The following SHH variants were observed in gnomAD, a reference collection of about 807,000 sequenced individuals.
The protein encoded by SHH is sonic hedgehog protein.
Under a neutral mutation model 16.6 loss-of-function variants are expected in SHH, and 3 were observed. That is an observed-to-expected ratio of 0.18 (90% CI 0.08 to 0.47). SHH has a LOEUF of 0.47. Ranked by LOEUF, SHH falls within the 20% of genes least tolerant of loss-of-function variation. SHH has a pLI of 0.98. For missense variants in SHH, 499 were observed against 665.0 expected, an observed-to-expected ratio of 0.75 and a Z score of 2.75; for synonymous variants, 351 against 316.2, an observed-to-expected ratio of 1.11 and a Z score of -1.17.
At position 155,807,657 on chromosome 7, in the gene SHH, CTG is replaced by C. The variant is rs1584802009; in HGVS notation, c.301-1102_301-1101del. Among the ~76,000 whole-genome samples, 1 of 152,168 alleles carries C rather than the reference CTG, an allele frequency of 6.6e-6. No individual in the cohort carries two copies. Among genetic ancestry groups the C allele is most frequent in the African/African-American group, 2.4e-5 (1 of 41,434 alleles). ...ATGCGACAGAAAGCAGTTGAATCCA[CTG>C]TGTGTGTTTGTGGGGGCACTGACTT... On this transcript the variant is annotated intron_variant, in intron 1 of 2. Coordinates refer to ENST00000297261, the MANE Select transcript of SHH (RefSeq NM_000193.4). This position sits in a 1 kb window ranked among gnomAD's most constrained non-coding sequence, Gnocchi z 7.1.
At position 155,803,015 on chromosome 7, in the gene SHH, CCCGGA is replaced by C; in HGVS notation, c.1269_1273del (p.Pro424CysfsTer72). The C allele has an allele frequency of 6.4e-7, 1 of 1,555,034 alleles. No individual in the cohort carries two copies. The highest frequency in any genetic ancestry group is 8.7e-7 in the Non-Finnish European group (1 of 1,152,306). On this transcript the variant is annotated frameshift_variant, in exon 3 of 3. Transcript: ENST00000297261. LOFTEE classifies it low-confidence loss of function (END_TRUNC). ...GTGGATGCCCGCGGTGGCCCCCGCA[CCCGGA>C]GCGTCGGCAGCACCTGGAGCGGTTA... is the stretch of plus-strand genomic sequence containing the variant.
chr7:155,803,651 T>C lies in SHH; in HGVS notation c.638A>G (p.Lys213Arg). Residue 213 changes from lysine to arginine, a missense_variant, in exon 3 of 3, where the codon AAG becomes AGG. Coordinates refer to ENST00000297261, the MANE Select transcript of SHH (RefSeq NM_000193.4). ...CCCGGGGCTCAGGTCCTTCACCAGC[T>C]TGGTGCCGCCCTGCTCCAGGTGCAC... is the stretch of plus-strand genomic sequence containing the variant. Reference protein sequence around the residue: ...ATVHLEQGGTKLVKDLSPGDR... With the variant: ...ATVHLEQGGTRLVKDLSPGDR... 6.3e-7 allele frequency: 1 copy of C among 1,597,970 alleles called. No individual in the cohort carries two copies. Among genetic ancestry groups the C allele is most frequent in the Non-Finnish European group, 8.5e-7 (1 of 1,179,398 alleles).
Position 155,809,477 on chromosome 7 carries a change from C to G in SHH, c.300+2346G>C, listed in dbSNP as rs1196559412. ...CTCCGCCTTCCCCATCCCTTCCTCC[C>G]CCACCCTTAACTCCTGGAATCGGGA... is the stretch of plus-strand genomic sequence containing the variant. On this transcript the variant is annotated intron_variant, in intron 1 of 2. Transcript: ENST00000297261. The surrounding 1 kb of genome is among the most constrained non-coding windows in gnomAD (Gnocchi z 6.1). Among the ~76,000 whole-genome samples, 1 of 152,104 alleles carries G rather than the reference C, an allele frequency of 6.6e-6. No homozygotes were observed. The highest frequency in any genetic ancestry group is 2.4e-5 in the African/African-American group (1 of 41,418).
intron 1 of SHH, chr7:155,806,905 C>G: frequency 2.7e-6 from 1 of 368,344 alleles, no homozygotes; most frequent in South Asian, 2.5e-5. Context: ...ACTACAGGAC[C>G]CTCCAGGGGC....
At position 155,802,019 on chromosome 7, in the gene SHH, A is replaced by G. The variant is rs931029704; in HGVS notation, c.*881T>C. The G allele has an allele frequency of 6.6e-6, 1 of 151,698 alleles. No homozygotes were observed. Among genetic ancestry groups the G allele is most frequent in the South Asian group, 2.1e-4 (1 of 4,824 alleles). 9.4% of individuals were successfully genotyped at this position (151,698 alleles called of 1,614,324 possible). On this transcript the variant is annotated 3_prime_UTR_variant, in exon 3 of 3. Coordinates refer to ENST00000297261, the MANE Select transcript of SHH (RefSeq NM_000193.4). ...CTCGTCACTATGTGCGCTTTTAAAA[A>G]ATATTATTTTCTAATAAATTCTTTG... is the stretch of plus-strand genomic sequence containing the variant.
At position 155,812,315 on chromosome 7, in the gene SHH, G is replaced by A; in HGVS notation, c.-193C>T. The stretch of plus-strand genomic sequence containing the variant: ...TAACCTTGCCCGCCGCGGCTGCGGG[G>A]GACTCTCCACCGCTCCCCACCCAGA... On this transcript the variant is annotated 5_prime_UTR_variant, in exon 1 of 3. Coordinates refer to ENST00000297261, the MANE Select transcript of SHH (RefSeq NM_000193.4). 3.1e-6 allele frequency: 2 copies of A among 635,058 alleles called. No individual in the cohort carries two copies. Among genetic ancestry groups the A allele is most frequent in the East Asian group, 2.7e-5 (1 of 36,380 alleles). 39.3% of individuals were successfully genotyped at this position (635,058 alleles called of 1,614,324 possible).
chr7:155,802,858 C>A lies in SHH; in HGVS notation c.*42G>T. 3.1e-6 allele frequency: 2 copies of A among 638,892 alleles called. No individual in the cohort carries two copies. Among genetic ancestry groups the A allele is most frequent in the South Asian group, 6.2e-5 (2 of 32,166 alleles). The allele number at this position is 638,892 out of a possible 1,614,324, so 39.6% of individuals were successfully genotyped here. A position where few individuals can be genotyped will look rare whatever the true frequency, so the allele number is the denominator to read the frequency against. On this transcript the variant is annotated 3_prime_UTR_variant, in exon 3 of 3. Coordinates refer to ENST00000297261, the MANE Select transcript of SHH (RefSeq NM_000193.4). Reference sequence around the variant, plus strand: ...TTTGCTTTGCGTTGCTGTTGCTGCCCCGCCCCGCCCCCTCCCGCGCCCCTC... The same window carrying A: ...TTTGCTTTGCGTTGCTGTTGCTGCCACGCCCCGCCCCCTCCCGCGCCCCTC...
chr7:155,804,807 GTCT>G (rs1803306861), intron 2 of SHH, among the ~76,000 whole-genome samples: 1 of 152,144 alleles, frequency 6.6e-6, no homozygotes, highest in African/African-American at 2.4e-5. Flanking sequence ...GGGGAGGGCC[GTCT>G]TCTTTGCATT....
intron 2 of SHH, among the ~76,000 whole-genome samples, chr7:155,805,667 G>A (rs1347684075): frequency 6.6e-6 from 1 of 152,160 alleles, no homozygotes; most frequent in East Asian, 1.9e-4. Context: ...CGCCGACTCG[G>A]GCCGGCGTTT....
intron 2 of SHH, among the ~76,000 whole-genome samples, chr7:155,805,222 C>A (rs2117133861): frequency 6.6e-6 from 1 of 152,104 alleles, no homozygotes; most frequent in South Asian, 2.1e-4. Context: ...GCCCTGGGCC[C>A]AGGGGCCGCC....
At chr7:155,805,839 G>A (rs534657783) in intron 2 of SHH, among the ~76,000 whole-genome samples, 85 of 152,344 alleles carry the variant, frequency 5.6e-4, no homozygotes, top group South Asian at 1.4e-3. Flanking sequence ...CGCCCGGCGG[G>A]GAGGAGCCAG....
At chr7:155,804,011 T>G (rs1227370688) in intron 2 of SHH, among the ~76,000 whole-genome samples, 1 of 152,170 alleles carries the variant, frequency 6.6e-6, no homozygotes, top group Non-Finnish European at 1.5e-5. Context: ...GGTGACACTC[T>G]TTCCTTCCGC....
Position 155,800,703 on chromosome 7 carries a change from G to A in SHH, c.*2197C>T. The A allele has an allele frequency of 2.2e-6, 1 of 464,964 alleles. No individual in the cohort carries two copies. The highest frequency in any genetic ancestry group is 4.4e-6 in the Non-Finnish European group (1 of 225,766). 28.8% of individuals were successfully genotyped at this position (464,964 alleles called of 1,614,324 possible). On this transcript the variant is annotated 3_prime_UTR_variant, in exon 3 of 3. Coordinates refer to ENST00000297261, the MANE Select transcript of SHH (RefSeq NM_000193.4). ...AAAGAAAAGTCTTTTACAGAAAAAG[G>A]CTGAGGACTGCTCCTGAGGAGAGGG...
In SHH at chr7:155,811,871, G is replaced by T; in HGVS notation, c.252C>A (p.Ile84=). ...CGGTGTTTTCTTCATCCTTAAATAT[G>T]ATGTCGGGGTTGTAATTGGGGGTGA... is the stretch of plus-strand genomic sequence containing the variant. ...KELTPNYNPD[I]IFKDEENTGA... The change falls in exon 1 of 3, where the codon ATC becomes ATA. Residue 84 remains isoleucine, a synonymous_variant. Coordinates refer to ENST00000297261, the MANE Select transcript of SHH (RefSeq NM_000193.4). 6.2e-7 allele frequency: 1 copy of T among 1,614,194 alleles called. No homozygotes were observed. Among genetic ancestry groups the T allele is most frequent in the Non-Finnish European group, 8.5e-7 (1 of 1,180,034 alleles).
At position 155,800,494 on chromosome 7, in the gene SHH, G is replaced by A. The variant is rs767277508; in HGVS notation, c.*2406C>T. 33 of 465,878 alleles carry A rather than the reference G, an allele frequency of 7.1e-5. No individual in the cohort carries two copies. Among genetic ancestry groups the A allele is most frequent in the East Asian group, 4.9e-4 (7 of 14,314 alleles). 28.9% of individuals were successfully genotyped at this position (465,878 alleles called of 1,614,324 possible). On this transcript the variant is annotated 3_prime_UTR_variant, in exon 3 of 3. Transcript: ENST00000297261. ...GTCAACGCCTGGCTTCTCTCTGATC[G>A]TCTGGGCTGCACGGCCACATTGCCA... is the stretch of plus-strand genomic sequence containing the variant.
intron 1 of SHH, 140 bp downstream of exon 1, chr7:155,811,683 G>A (rs1184001073): frequency 2.4e-6 from 2 of 843,496 alleles, no homozygotes; most frequent in African/African-American, 1.7e-5. Context: ...GATGGGGGGC[G>A]GGCAGGTGGG....
intron 1 of SHH, among the ~76,000 whole-genome samples, chr7:155,811,020 C>G (rs750115398): frequency 1.3e-5 from 2 of 152,212 alleles, no homozygotes; most frequent in Admixed American, 6.5e-5. Flanking sequence ...TTTATTCGCT[C>G]TTAATTCTTA....
Position 155,807,734 on chromosome 7 carries a change from G to C in SHH, c.301-1177C>G, listed in dbSNP as rs186848644. On this transcript the variant is annotated intron_variant, in intron 1 of 2. Transcript: ENST00000297261. This position sits in a 1 kb window ranked among gnomAD's most constrained non-coding sequence, Gnocchi z 7.1. ...CTGCTGGTGGGACATGGGATTTAAA[G>C]AGGGGGAACTGGCACAGATGACGAT... is the stretch of plus-strand genomic sequence containing the variant. 6.6e-6 allele frequency among the ~76,000 whole-genome samples: 1 copy of C among 152,332 alleles called. No homozygotes were observed. Among genetic ancestry groups the C allele is most frequent in the Admixed American group, 6.5e-5 (1 of 15,302 alleles).
chr7:155,802,860 G>GGCC lies in SHH; in HGVS notation c.*39_*40insGGC. On this transcript the variant is annotated 3_prime_UTR_variant, in exon 3 of 3. Transcript: ENST00000297261. ...TGCTTTGCGTTGCTGTTGCTGCCCC[G>GGCC]CCCCGCCCCCTCCCGCGCCCCTCCC... 5 of 313,080 alleles carry GGCC rather than the reference G, an allele frequency of 1.6e-5. No individual in the cohort carries two copies. Among genetic ancestry groups the GGCC allele is most frequent in the Non-Finnish European group, 2.8e-5 (5 of 180,422 alleles). 19.4% of individuals were successfully genotyped at this position (313,080 alleles called of 1,614,324 possible). A position where few individuals can be genotyped will look rare whatever the true frequency, so the allele number is the denominator to read the frequency against.
Sources: gnomAD v4.1 joint callset for allele counts (sites outside exome capture counted in the v4.1 genomes callset) on GRCh38, gnomAD v4.1.1 for gene constraint, Gnocchi (gnomAD v3.1) non-coding constraint, MANE v1.5 for transcripts, NCBI Gene and HGNC (gene_info 2026-07-23, HGNC 2026-07-21) for gene names.